The following MYH11 variants were observed in gnomAD, a reference collection of about 807,000 sequenced individuals.
MYH11 encodes myosin-11.
A neutral mutation model predicts 246.6 loss-of-function variants in MYH11; 80 were observed. That is an observed-to-expected ratio of 0.32 (90% confidence interval 0.27 to 0.39). The LOEUF (loss-of-function observed/expected upper bound fraction) is 0.39. Among genes scored for constraint, MYH11 ranks in the 10% least tolerant of loss-of-function variants. The probability of loss-of-function intolerance (pLI) is 1.00; values close to 1 mark genes in which losing one functional copy is unlikely to be tolerated. For synonymous variants in MYH11, 1,071 were observed against 1,015.5 expected (o/e 1.05, Z -1.04); for missense variants, 2,158 against 2,546.8 (o/e 0.85, Z 3.29).
At chr16:15,794,464 G>A (rs1373072162) in intron 4 of MYH11, among the ~76,000 whole-genome samples, 2 of 152,228 alleles carry the variant, frequency 1.3e-5, no homozygotes, top group Admixed American at 6.5e-5. Flanking sequence ...AAGTCTGATC[G>A]TTTTGGGATT....
chr16:15,717,595 GA>G (rs2040230860), intron 37 of MYH11: 1 of 586,350 alleles, frequency 1.7e-6, no homozygotes, highest in South Asian at 2.1e-5. Flanking sequence ...AGGAGTTCGA[GA>G]CCTGCCTGGC....
intron 3 of MYH11, among the ~76,000 whole-genome samples, chr16:15,818,277 C>T (rs147522848): frequency 2.3e-3 from 352 of 152,170 alleles, no homozygotes; most frequent in African/African-American, 6.3e-3. Flanking sequence ...AGAATGAGAT[C>T]GTGCCATTTA....
Position 15,727,011 on chromosome 16 carries a change from T to C in MYH11, c.3695A>G (p.Glu1232Gly). 1 of 1,612,022 alleles carries C rather than the reference T, an allele frequency of 6.2e-7. No homozygotes were observed. Among genetic ancestry groups the C allele is most frequent in the Non-Finnish European group, 8.5e-7 (1 of 1,178,884 alleles). ...CAGCTCCCCGGCCAGGTCTGCGTTCTCTTTCTCCAGCGTCTGCTTATTCTT... is the reference window on the plus strand; with the variant it reads ...CAGCTCCCCGGCCAGGTCTGCGTTCCCTTTCTCCAGCGTCTGCTTATTCTT... Reference protein sequence around the residue: ...LDKNKQTLEKENADLAGELRV... With the variant: ...LDKNKQTLEKGNADLAGELRV... Residue 1232 changes from glutamate (E) to glycine (G), a missense_variant, in exon 28 of 41, where the codon GAG becomes GGG. Physicochemically the swap from Glu to Gly is moderately conservative, Grantham distance 98. Coordinates refer to ENST00000300036, the MANE Select transcript of MYH11 (RefSeq NM_002474.3).
Position 15,750,580 on chromosome 16 carries a change from G to C in MYH11, c.1865-249C>G, listed in dbSNP as rs946581055. ...CCTAGGAGTCAAGCCTGCTCTCGCTGTCCACTCACTGACTAGCCTTGGCTT... is the reference window on the plus strand; with the variant it reads ...CCTAGGAGTCAAGCCTGCTCTCGCTCTCCACTCACTGACTAGCCTTGGCTT... On this transcript the variant is annotated intron_variant, in intron 15 of 40. Coordinates refer to ENST00000300036, the MANE Select transcript of MYH11 (RefSeq NM_002474.3). The surrounding 1 kb of genome is among the most constrained non-coding windows in gnomAD (Gnocchi z 4.3). Among the ~76,000 whole-genome samples, 2 of 152,182 alleles carry C rather than the reference G, an allele frequency of 1.3e-5. No homozygotes were observed. The highest frequency in any genetic ancestry group is 2.4e-5 in the African/African-American group (1 of 41,454).
intron 40 of MYH11, 112 bp downstream of exon 40, chr16:15,714,797 G>T: frequency 7.7e-7 from 1 of 1,305,944 alleles, no homozygotes. Flanking sequence ...AACCACAGAA[G>T]GGAGTGGCGG....
At chr16:15,726,010 C>G (rs1466088629) in intron 28 of MYH11, 6 of 278,678 alleles carry the variant, frequency 2.2e-5, no homozygotes, top group African/African-American at 6.6e-5. Context: ...CTGTATGTCT[C>G]TCTCCTAATT....
chr16:15,820,116 G>T (rs903304347), intron 3 of MYH11, among the ~76,000 whole-genome samples: 1 of 152,200 alleles, frequency 6.6e-6, no homozygotes, highest in Admixed American at 6.5e-5. Flanking sequence ...GCCGAGGTGG[G>T]AGGATCACCT....
chr16:15,822,292 C>T (rs1450608028), intron 3 of MYH11, among the ~76,000 whole-genome samples: 1 of 152,146 alleles, frequency 6.6e-6, no homozygotes, highest in Non-Finnish European at 1.5e-5. Flanking sequence ...TTGTACTCTT[C>T]GCCTGACCTG....
chr16:15,771,825 G>T, intron 8 of MYH11, 113 bp from the exon 9 acceptor site: 2 of 1,397,070 alleles, frequency 1.4e-6, no homozygotes, highest in East Asian at 2.4e-5. Flanking sequence ...CTTTATCAAG[G>T]CTTGAACCGT....
chr16:15,795,350 G>T (rs2042719365), intron 4 of MYH11, among the ~76,000 whole-genome samples: 1 of 152,036 alleles, frequency 6.6e-6, no homozygotes, highest in Non-Finnish European at 1.5e-5. Context: ...AGCGGCTCAT[G>T]CCTGTAATCC....
chr16:15,778,923 G>T lies in MYH11; in HGVS notation c.727-80C>A. The T allele has an allele frequency of 2.3e-6, 3 of 1,327,382 alleles. No individual in the cohort carries two copies. In the South Asian group the frequency reaches 3.5e-5, roughly 16 times the overall value. 82.2% of individuals were successfully genotyped at this position (1,327,382 alleles called of 1,614,324 possible). A position where few individuals can be genotyped will look rare whatever the true frequency, so the allele number is the denominator to read the frequency against. On this transcript the variant is annotated intron_variant, in intron 6 of 40. Transcript: ENST00000300036. ...CCATGCTGTGGGCAAGCAGGAGGCAGATGGTACAGAGGATGGGAGGTGGGG... is the reference window on the plus strand; with the variant it reads ...CCATGCTGTGGGCAAGCAGGAGGCATATGGTACAGAGGATGGGAGGTGGGG...
chr16:15,726,853 G>C lies in MYH11; in HGVS notation c.3853C>G (p.Leu1285Val), dbSNP rs1023178766. 3.7e-6 allele frequency: 6 copies of C among 1,611,880 alleles called. No individual in the cohort carries two copies. The African/African-American group carries it at 5.3e-5, about 14-fold the overall frequency. ...CCACCGCGCCACCTCCTCACCTGCA[G>C]CTTGTGGACTTTGTCATTGAGCTCC... ...RAELNDKVHK[L>V]QNEVESVTGM... Residue 1285 changes from leucine (L) to valine (V), a missense_variant, in exon 28 of 41, where the codon CTG becomes GTG. Leu to Val is a conservative substitution (Grantham distance 32). Transcript: ENST00000300036.
chr16:15,799,830 TCTC>T (rs1317572862), intron 3 of MYH11, among the ~76,000 whole-genome samples: 3 of 152,174 alleles, frequency 2.0e-5, no homozygotes, highest in African/African-American at 4.8e-5. Flanking sequence ...TCATCAAAAA[TCTC>T]CTAGGCTTGG....
chr16:15,750,466 T>A lies in MYH11; in HGVS notation c.1865-135A>T. 2 of 866,898 alleles carry A rather than the reference T, an allele frequency of 2.3e-6. No homozygotes were observed. Among genetic ancestry groups the A allele is most frequent in the Non-Finnish European group, 3.6e-6 (2 of 551,474 alleles). 53.7% of individuals were successfully genotyped at this position (866,898 alleles called of 1,614,324 possible). On this transcript the variant is annotated intron_variant, in intron 15 of 40. Transcript: ENST00000300036. This position sits in a 1 kb window ranked among gnomAD's most constrained non-coding sequence, Gnocchi z 4.3. ...CCATCACCAACGCCTCCTTCGGCAGTCAGGGTTTCCAAGTATTGTCTATTG... is the reference window on the plus strand; with the variant it reads ...CCATCACCAACGCCTCCTTCGGCAGACAGGGTTTCCAAGTATTGTCTATTG...
At chr16:15,779,282 G>T in intron 6 of MYH11, 1 of 290,096 alleles carries the variant, frequency 3.4e-6, no homozygotes, top group Non-Finnish European at 6.7e-6. Flanking sequence ...AGGACTACAG[G>T]CATGCACCAC....
rs2043190748 is a variant in MYH11, at chr16:15,813,651, C to T, written c.502+9604G>A. On this transcript the variant is annotated intron_variant, in intron 3 of 40. Transcript: ENST00000300036. ...CTGAGTGCATGCATTTAGCTCTCTT[C>T]CTTCCTAAACCTTACTAAAATAACT... Among the ~76,000 whole-genome samples the T allele has an allele frequency of 2.0e-5, 3 of 152,078 alleles. No homozygotes were observed. The South Asian group carries it at 6.2e-4, about 32-fold the overall frequency.
chr16:15,802,547 C>T (rs2042912190), intron 3 of MYH11, among the ~76,000 whole-genome samples: 2 of 152,206 alleles, frequency 1.3e-5, no homozygotes, highest in Admixed American at 6.5e-5. Flanking sequence ...CTCCCAGGCT[C>T]AAGCAATCCT....
intron 13 of MYH11, among the ~76,000 whole-genome samples, chr16:15,757,301 C>G (rs2041750197): frequency 6.6e-6 from 1 of 151,006 alleles, no homozygotes; most frequent in Admixed American, 6.6e-5. Context: ...GGACCACAGG[C>G]GTGCACCACC....
At chr16:15,763,741 T>TCGGGGC in intron 10 of MYH11, 55 bp downstream of exon 10, 10 of 646,846 alleles carry the variant, frequency 1.5e-5, no homozygotes, top group East Asian at 6.3e-5. Flanking sequence ...AAATGTCACC[T>TCGGGGC]CCCCCACCCC....
Sources: gnomAD v4.1 joint callset for allele counts (sites outside exome capture counted in the v4.1 genomes callset) on GRCh38, gnomAD v4.1.1 for gene constraint, Gnocchi (gnomAD v3.1) non-coding constraint, MANE v1.5 for transcripts, NCBI Gene and HGNC (gene_info 2026-07-23, HGNC 2026-07-21) for gene names.